LRIF1: variants seen among roughly 807,000 people sequenced by gnomAD.
The protein encoded by LRIF1 is ligand-dependent nuclear receptor-interacting factor 1.
LRIF1 carries 32 observed loss-of-function variants against 52.7 expected under a neutral mutation model. The observed-to-expected ratio is 0.61, with a 90% CI of 0.46 to 0.82. LRIF1 has a LOEUF of 0.82. Ranked by LOEUF, LRIF1 falls within the 40% of genes least tolerant of loss-of-function variation. The pLI, the probability that LRIF1 is intolerant of heterozygous loss-of-function variation, is 0.00. For missense variants in LRIF1, 887 were observed against 892.0 expected, an observed-to-expected ratio of 0.99 and a Z score of 0.07; for synonymous variants, 323 against 317.4, an observed-to-expected ratio of 1.02 and a Z score of -0.19.
chr1:110,892,823 A>T, the LRIF1 span: 1 of 274,342 alleles, frequency 3.6e-6, no homozygotes, highest in African/African-American at 2.2e-5. Flanking sequence ...TTTTTTCTTT[A>T]TGTCTGGATG....
chr1:110,936,294 C>T, the LRIF1 span: 1 of 152,092 alleles, frequency 6.6e-6, no homozygotes, highest in Admixed American at 6.5e-5. Flanking sequence ...AGAAAAAACA[C>T]AGAATATTCT....
the LRIF1 span, among the ~76,000 whole-genome samples, chr1:110,886,868 T>TTTTC: frequency 1.4e-4 from 6 of 41,450 alleles, no homozygotes; most frequent in African/African-American, 6.7e-4. Flanking sequence ...TATATATATA[T>TTTTC]ATTTTTTTTT....
chr1:110,957,301 CAAAAA>C (rs35011841), intron 1 of LRIF1, among the ~76,000 whole-genome samples: 2 of 81,886 alleles, frequency 2.4e-5, no homozygotes, highest in African/African-American at 4.7e-5. Context: ...ACTAAAAATA[CAAAAA>C]AAAAAAAAAA....
intron 1 of LRIF1, among the ~76,000 whole-genome samples, chr1:110,960,502 T>A (rs1429308099): frequency 6.6e-6 from 1 of 152,216 alleles, no homozygotes. Context: ...TAGCTGCCAA[T>A]GGCCAATCAC....
chr1:110,883,246 G>T, the LRIF1 span, among the ~76,000 whole-genome samples: 2 of 151,828 alleles, frequency 1.3e-5, no homozygotes, highest in Non-Finnish European at 3.0e-5. Flanking sequence ...TTCCTAGTTT[G>T]CTAAGAGTTT....
the LRIF1 span, chr1:110,939,883 T>G: frequency 2.0e-5 from 3 of 152,192 alleles, no homozygotes; most frequent in Admixed American, 2.0e-4. Context: ...ATGAAACTAC[T>G]ATAAGAAAAC....
At chr1:110,900,176 C>T in the LRIF1 span, among the ~76,000 whole-genome samples, 4 of 152,178 alleles carry the variant, frequency 2.6e-5, no homozygotes, top group East Asian at 5.8e-4. Context: ...GCTGCAGTAA[C>T]CTTAAGGCTC....
chr1:110,911,812 A>G, the LRIF1 span, among the ~76,000 whole-genome samples: 1 of 152,222 alleles, frequency 6.6e-6, no homozygotes, highest in African/African-American at 2.4e-5. Context: ...ACACCCCTTC[A>G]TATTAAAAGC....
At chr1:110,930,988 A>T in the LRIF1 span, among the ~76,000 whole-genome samples, 2 of 131,226 alleles carry the variant, frequency 1.5e-5, no homozygotes, top group African/African-American at 2.7e-5. Flanking sequence ...GCAGCATGAC[A>T]TTTTTTTTTT....
At chr1:110,916,791 G>A in the LRIF1 span, among the ~76,000 whole-genome samples, 1 of 152,074 alleles carries the variant, frequency 6.6e-6, no homozygotes, top group South Asian at 2.1e-4. Flanking sequence ...GTATTAGATA[G>A]ACCTCAAGGC....
chr1:110,882,112 T>TA, the LRIF1 span, among the ~76,000 whole-genome samples: 1 of 152,204 alleles, frequency 6.6e-6, no homozygotes, highest in Non-Finnish European at 1.5e-5. Context: ...CAGAAGTTTT[T>TA]AATTTTGAAG....
chr1:110,958,451 A>AT (rs1243498923), intron 1 of LRIF1, among the ~76,000 whole-genome samples: 2 of 47,506 alleles, frequency 4.2e-5, no homozygotes, highest in African/African-American at 8.5e-5. Context: ...CTATTAGCTA[A>AT]TTTTTTAAAA....
chr1:110,896,621 A>C, the LRIF1 span: 1 of 1,602,832 alleles, frequency 6.2e-7, no homozygotes, highest in Non-Finnish European at 8.5e-7. Flanking sequence ...TTGACTTTCT[A>C]ACCATCATCA....
At chr1:110,957,577 G>C (rs886724330) in intron 1 of LRIF1, among the ~76,000 whole-genome samples, 1 of 145,918 alleles carries the variant, frequency 6.9e-6, no homozygotes, top group Non-Finnish European at 1.5e-5. Context: ...TTTTATTCCT[G>C]TCCCCTACTG....
At chr1:110,927,563 G>C in the LRIF1 span, among the ~76,000 whole-genome samples, 1 of 152,080 alleles carries the variant, frequency 6.6e-6, no homozygotes, top group Non-Finnish European at 1.5e-5. Context: ...CCTGGCCAAG[G>C]AGTAAGAGAA....
the LRIF1 span, chr1:110,897,661 T>C: frequency 3.7e-5 from 18 of 490,506 alleles, no homozygotes; most frequent in Middle Eastern, 6.7e-4. Flanking sequence ...TGCCTGTTTC[T>C]TCATTCACGC....
chr1:110,963,562 C>A, intron 1 of LRIF1, 59 bp downstream of exon 1: 1 of 1,459,254 alleles, frequency 6.9e-7, no homozygotes, highest in South Asian at 1.2e-5. Context: ...ACGGCCGACT[C>A]CACATCCCTA....
At chr1:110,919,558 G>T in the LRIF1 span, among the ~76,000 whole-genome samples, 43 of 151,930 alleles carry the variant, frequency 2.8e-4, no homozygotes, top group Non-Finnish European at 2.9e-5. Flanking sequence ...TATTAGTTCC[G>T]TCCCTCTAGG....
At chr1:110,877,296 C>T in the LRIF1 span, among the ~76,000 whole-genome samples, 1 of 152,200 alleles carries the variant, frequency 6.6e-6, no homozygotes, top group Middle Eastern at 3.4e-3. Context: ...ATAGGAATAC[C>T]AACAAAGTGG....
Sources: allele counts gnomAD v4.1 joint callset (sites outside exome capture counted in the v4.1 genomes callset), GRCh38; gene constraint gnomAD v4.1.1; transcripts MANE v1.5; gene names NCBI Gene and HGNC (gene_info 2026-07-23, HGNC 2026-07-21).